Variants in BTRC observed in about 807,000 individuals in gnomAD.
BTRC encodes the protein beta-transducin repeat containing E3 ubiquitin protein ligase.
BTRC carries 42 observed loss-of-function variants against 85.5 expected under a neutral mutation model. That is an observed-to-expected ratio of 0.49 (90% CI 0.38 to 0.64). The LOEUF is 0.64. Among genes scored for constraint, BTRC ranks in the 30% least tolerant of loss-of-function variants. The pLI is 0.00. For missense variants in BTRC, 594 were observed against 743.5 expected, an observed-to-expected ratio of 0.80 and a Z score of 2.34; for synonymous variants, 255 against 263.3, an observed-to-expected ratio of 0.97 and a Z score of 0.30.
At chr10:101,537,157 T>C (rs1471172324) in intron 12 of BTRC, among the ~76,000 whole-genome samples, 1 of 152,236 alleles carries the variant, frequency 6.6e-6, no homozygotes. Context: ...TATTTTCTTC[T>C]AATTTCTAGT....
At chr10:101,505,157 G>GTATATGTA (rs1946497418) in intron 4 of BTRC, among the ~76,000 whole-genome samples, 1 of 118,928 alleles carries the variant, frequency 8.4e-6, no homozygotes, top group African/African-American at 3.1e-5. Context: ...ATATGTATAT[G>GTATATGTA]TATATATATA....
chr10:101,377,596 T>C (rs934061906), intron 1 of BTRC, among the ~76,000 whole-genome samples: 6 of 152,216 alleles, frequency 3.9e-5, no homozygotes, highest in African/African-American at 1.4e-4. Context: ...GGATATCCTA[T>C]TGTGGTTTCA....
At chr10:101,502,846 G>A (rs955906159) in intron 4 of BTRC, among the ~76,000 whole-genome samples, 4 of 152,088 alleles carry the variant, frequency 2.6e-5, no homozygotes, top group African/African-American at 9.7e-5. Context: ...TAATATTATT[G>A]TAAAAGCAAA....
At chr10:101,423,280 C>T (rs572159560) in intron 1 of BTRC, among the ~76,000 whole-genome samples, 16 of 152,058 alleles carry the variant, frequency 1.1e-4, no homozygotes, top group Admixed American at 8.5e-4. Context: ...GAGCTTGTTC[C>T]GCAATTCATT....
intron 2 of BTRC, among the ~76,000 whole-genome samples, chr10:101,459,879 T>C (rs1200911971): frequency 1.3e-5 from 2 of 152,186 alleles, no homozygotes; most frequent in Admixed American, 1.3e-4. Context: ...TTTCACTTTA[T>C]AATTCAGTAT....
chr10:101,527,795 T>TACACACAC (rs5787437), intron 6 of BTRC, among the ~76,000 whole-genome samples: 9 of 145,322 alleles, frequency 6.2e-5, no homozygotes, highest in Non-Finnish European at 1.5e-5. Context: ...CTCTCTCACA[T>TACACACAC]ACACACACAC....
intron 14 of BTRC, 90 bp downstream of exon 14, chr10:101,550,981 C>T: frequency 8.0e-7 from 1 of 1,244,848 alleles, no homozygotes; most frequent in Admixed American, 2.4e-5. Context: ...TTTCTCCTGC[C>T]GTTTGGGTCA....
intron 2 of BTRC, among the ~76,000 whole-genome samples, chr10:101,460,880 A>G (rs1945205786): frequency 6.6e-6 from 1 of 152,104 alleles, no homozygotes; most frequent in African/African-American, 2.4e-5. Context: ...TATGTAATGT[A>G]AGGAATATAT....
chr10:101,506,477 T>C (rs1946544390), intron 4 of BTRC, among the ~76,000 whole-genome samples: 1 of 152,208 alleles, frequency 6.6e-6, no homozygotes, highest in Admixed American at 6.5e-5. Context: ...CAGATTTGTT[T>C]TCAGCCCTGT....
chr10:101,384,967 A>C (rs1244513347), intron 1 of BTRC, among the ~76,000 whole-genome samples: 1 of 152,160 alleles, frequency 6.6e-6, no homozygotes, highest in Non-Finnish European at 1.5e-5. Context: ...TGTCACCTGT[A>C]ATCCCAGCAC....
At chr10:101,440,835 A>G (rs1944661163) in intron 2 of BTRC, among the ~76,000 whole-genome samples, 1 of 152,222 alleles carries the variant, frequency 6.6e-6, no homozygotes. Context: ...GGTGTTGGTA[A>G]TTCCTGCTTT....
rs541660446 is a variant in BTRC, at chr10:101,528,946, CT to C, written c.744-2290del. 9.8e-5 allele frequency among the ~76,000 whole-genome samples: 15 copies of C among 152,298 alleles called. No individual in the cohort carries two copies. The South Asian group carries it at 3.1e-3, about 32-fold the overall frequency. ...TCTAGATGGATTTGACAGTCTTCCC[CT>C]GGGACATGAACTCTGTAGTTTTCTC... On this transcript the variant is annotated intron_variant, in intron 6 of 14. Coordinates refer to ENST00000370187, the MANE Select transcript of BTRC (RefSeq NM_033637.4).
chr10:101,416,878 A>G (rs1943960070), intron 1 of BTRC, among the ~76,000 whole-genome samples: 1 of 152,162 alleles, frequency 6.6e-6, no homozygotes, highest in African/African-American at 2.4e-5. Flanking sequence ...TCTGCATGAA[A>G]TTTAGTCTGA....
chr10:101,538,670 A>AG (rs1224550824), intron 13 of BTRC, among the ~76,000 whole-genome samples: 2 of 152,184 alleles, frequency 1.3e-5, no homozygotes, highest in Non-Finnish European at 2.9e-5. Flanking sequence ...CAGAAACAGC[A>AG]GGGGGTACTA....
At chr10:101,475,938 TA>T (rs1163700216) in intron 3 of BTRC, among the ~76,000 whole-genome samples, 1 of 119,730 alleles carries the variant, frequency 8.4e-6, no homozygotes, top group African/African-American at 3.0e-5. Context: ...TATATATATA[TA>T]TATATATATA....
At chr10:101,522,409 CTTTTTTTTTTTTTT>C (rs1176651688) in intron 5 of BTRC, among the ~76,000 whole-genome samples, 6 of 29,536 alleles carry the variant, frequency 2.0e-4, no homozygotes, top group East Asian at 1.2e-3. Flanking sequence ...ATAAAGACTC[CTTTTTTTTTTTTTT>C]TTTTTTTTTT....
chr10:101,494,594 C>A (rs1946213993), intron 4 of BTRC, among the ~76,000 whole-genome samples: 2 of 152,090 alleles, frequency 1.3e-5, no homozygotes, highest in Non-Finnish European at 2.9e-5. Flanking sequence ...CTTTTTCTTT[C>A]TCTCATTTTC....
At chr10:101,501,122 G>A (rs1473395014) in intron 4 of BTRC, among the ~76,000 whole-genome samples, 1 of 152,056 alleles carries the variant, frequency 6.6e-6, no homozygotes, top group Non-Finnish European at 1.5e-5. Flanking sequence ...GAACCTGCGG[G>A]GCAGAGGTTG....
intron 1 of BTRC, among the ~76,000 whole-genome samples, chr10:101,389,217 A>G (rs1291265845): frequency 7.2e-6 from 1 of 138,286 alleles, no homozygotes; most frequent in Non-Finnish European, 1.5e-5. Flanking sequence ...ACCTGGAATC[A>G]TCATTGGCTC....
Sources: gnomAD v4.1 joint callset for allele counts (sites outside exome capture counted in the v4.1 genomes callset) on GRCh38, gnomAD v4.1.1 for gene constraint, MANE v1.5 for transcripts, NCBI Gene and HGNC (gene_info 2026-07-23, HGNC 2026-07-21) for gene names.